Variants in ZNF677 observed in about 807,000 individuals in gnomAD.
The protein encoded by ZNF677 is hypothetical protein MGC48625.
ZNF677 carries 5 observed loss-of-function variants against 8.1 expected under a neutral mutation model. The ratio of observed to expected loss-of-function variants is 0.62; its 90% confidence interval spans 0.32 to 1.29. ZNF677 has a LOEUF of 1.29. Ranked by LOEUF, ZNF677 falls within the 50% of genes most tolerant of loss-of-function variation. ZNF677 has a pLI of 0.05. For missense variants in ZNF677, 685 were observed against 685.9 expected, an observed-to-expected ratio of 1.00 and a Z score of 0.01; for synonymous variants, 221 against 225.6, an observed-to-expected ratio of 0.98 and a Z score of 0.18.
intron 4 of ZNF677, chr19:53,242,979 T>C (rs1417461396): frequency 1.3e-5 from 2 of 152,220 alleles, no homozygotes; most frequent in Admixed American, 6.5e-5. Flanking sequence ...CACATTTGAA[T>C]AACAGTATGT....
intron 4 of ZNF677, chr19:53,242,343 G>C: frequency 2.5e-6 from 1 of 398,668 alleles, no homozygotes; most frequent in Non-Finnish European, 4.4e-6. Context: ...AGAAAAGGGA[G>C]AGAAATAAAA....
At chr19:53,240,509 G>A (rs2091032879) in intron 4 of ZNF677, 1 of 152,276 alleles carries the variant, frequency 6.6e-6, no homozygotes, top group Non-Finnish European at 1.5e-5. Flanking sequence ...GCCTCCCAAA[G>A]TGCTGGGATT....
chr19:53,241,201 T>A (rs1360602739), intron 4 of ZNF677: 3 of 151,718 alleles, frequency 2.0e-5, no homozygotes, highest in South Asian at 2.1e-4. Flanking sequence ...CAGAAAAAAA[T>A]ATATATAATA....
chr19:53,238,190 G>A lies in ZNF677; in HGVS notation c.537C>T (p.Ala179=), dbSNP rs144707444. The A allele has an allele frequency of 1.1e-3, 1,741 of 1,613,374 alleles. 6 individuals carry two copies. Among genetic ancestry groups the A allele is most frequent in the Middle Eastern group, 6.9e-3 (42 of 6,056 alleles). ...CAAAACACTTCACGTATTTGTTTCC[G>A]GCATACCTTATGTTATTTTTCAGTT... ...LLKLKNNIRY[A]GNKYVKCFEN... The change falls in exon 5 of 5, where the codon GCC becomes GCT. Residue 179 remains alanine (A), a synonymous_variant. Transcript: ENST00000598513.
chr19:53,244,057 A>G (rs1041061841), intron 3 of ZNF677, 160 bp from the exon 4 acceptor site: 10 of 667,810 alleles, frequency 1.5e-5, no homozygotes, highest in South Asian at 6.5e-5. Flanking sequence ...ATGAAATTAC[A>G]TAACATAAAA....
rs755349651 is a variant in ZNF677, at chr19:53,238,204, T to A, written c.523A>T (p.Asn175Tyr). The change falls in exon 5 of 5, where the codon AAC becomes TAC. Residue 175 changes from asparagine (N) to tyrosine (Y), a missense_variant. Transcript: ENST00000598513. ...TATTTGTTTCCGGCATACCTTATGT[T>A]ATTTTTCAGTTTTAACAAATTCCTT... The part of the protein sequence containing the change: ...FIRNLLKLKN[N>Y]IRYAGNKYVK... 6.2e-6 allele frequency: 10 copies of A among 1,613,974 alleles called. No homozygotes were observed. Among genetic ancestry groups the A allele is most frequent in the Non-Finnish European group, 8.5e-6 (10 of 1,179,946 alleles).
chr19:53,254,426 C>T (rs2091283210), intron 1 of ZNF677, among the ~76,000 whole-genome samples: 1 of 152,130 alleles, frequency 6.6e-6, no homozygotes, highest in South Asian at 2.1e-4. Context: ...TCTAATTTCG[C>T]GCATTTCTCC....
intron 4 of ZNF677, chr19:53,242,663 G>A: frequency 2.7e-6 from 1 of 367,262 alleles, no homozygotes. Context: ...TTTTGGGGGA[G>A]CCACTGTTTT....
In ZNF677 at chr19:53,238,017, C is replaced by A; in HGVS notation, c.710G>T (p.Cys237Phe). The change falls in exon 5 of 5, where the codon TGT (cysteine) becomes TTT (phenylalanine). Residue 237 changes from cysteine (C) to phenylalanine (F), a missense_variant. Physicochemically the swap from Cys to Phe is radical, Grantham distance 205 (BLOSUM62 -2). Coordinates refer to ENST00000598513, the MANE Select transcript of ZNF677 (RefSeq NM_182609.4). ...SPLPPCVKNI[C>F]NKYRKILKYP... ...TTTCAAAATCTTCCTATATTTATTACAAATGTTTTTGACACAAGGAGGAAG... is the reference window on the plus strand; with the variant it reads ...TTTCAAAATCTTCCTATATTTATTAAAAATGTTTTTGACACAAGGAGGAAG... 2 of 1,613,666 alleles carry A rather than the reference C, an allele frequency of 1.2e-6. No homozygotes were observed. Among genetic ancestry groups the A allele is most frequent in the African/African-American group, 2.7e-5 (2 of 75,014 alleles).
chr19:53,236,991 T>C lies in ZNF677; in HGVS notation c.1736A>G (p.Lys579Arg), dbSNP rs755664890. Residue 579 changes from lysine to arginine, a missense_variant, in exon 5 of 5, where the codon AAG (lysine) becomes AGG (arginine). By Grantham distance (26) the Lys-to-Arg change is conservative. Coordinates refer to ENST00000598513, the MANE Select transcript of ZNF677 (RefSeq NM_182609.4). Reference protein sequence around the residue: ...KHIKYNETKIKYSSCT With the variant: ...KHIKYNETKIRYSSCT ...CTGATGCTAGGTACAGCTTGAATAC[T>C]TAATTTTTGTCTCATTATATTTGAT... is the stretch of plus-strand genomic sequence containing the variant. The C allele has an allele frequency of 6.4e-7, 1 of 1,566,322 alleles. No individual in the cohort carries two copies. Among genetic ancestry groups the C allele is most frequent in the South Asian group, 1.2e-5 (1 of 80,488 alleles).
chr19:53,248,685 T>C (rs1329487392), intron 3 of ZNF677, among the ~76,000 whole-genome samples: 4 of 152,234 alleles, frequency 2.6e-5, no homozygotes, highest in Non-Finnish European at 4.4e-5. Context: ...TTAATCTTTT[T>C]GAGGGTCACT....
chr19:53,237,107 CT>C lies in ZNF677; in HGVS notation c.1619del (p.Lys540ArgfsTer73), dbSNP rs2090978917. 1 of 1,613,610 alleles carries C rather than the reference CT, an allele frequency of 6.2e-7. No individual in the cohort carries two copies. The highest frequency in any genetic ancestry group is 1.7e-5 in the Admixed American group (1 of 59,948). ...LTRHQKIHIE[K>X]KHCKHNIHGN... ...CATGTATATTATGTTTACAATGTTT[CT>C]TTTCAATGTGTATTTTCTGGTGTCT... On this transcript the variant is annotated frameshift_variant, in exon 5 of 5. Transcript: ENST00000598513. LOFTEE classifies it low-confidence loss of function (END_TRUNC).
chr19:53,243,813 T>C lies in ZNF677; in HGVS notation c.100A>G (p.Arg34Gly). Residue 34 changes from arginine to glycine, a missense_variant, in exon 4 of 5, where the codon AGG (arginine) becomes GGG (glycine). Physicochemically the swap from Arg to Gly is moderately radical, Grantham distance 125 (BLOSUM62 -2). Transcript: ENST00000598513. ...CLDPAQRALY[R>G]DVMLENYRNL... is the part of the protein sequence containing the mutation. ...CTGTAGTTCTCCAACATCACGTCCCTGTACAAGGCCCTCTGGGCAGGGTCC... is the reference window on the plus strand; with the variant it reads ...CTGTAGTTCTCCAACATCACGTCCCCGTACAAGGCCCTCTGGGCAGGGTCC... 3 of 1,614,210 alleles carry C rather than the reference T, an allele frequency of 1.9e-6. No individual in the cohort carries two copies. The highest frequency in any genetic ancestry group is 1.7e-6 in the Non-Finnish European group (2 of 1,180,040).
chr19:53,248,842 T>G (rs1478674611), intron 3 of ZNF677, among the ~76,000 whole-genome samples: 1 of 152,230 alleles, frequency 6.6e-6, no homozygotes, highest in Non-Finnish European at 1.5e-5. Flanking sequence ...ATGTTCTTTA[T>G]ATATTTGGGA....
At position 53,238,351 on chromosome 19, in the gene ZNF677, TG is replaced by T; in HGVS notation, c.375del (p.Asn125LysfsTer21). On this transcript the variant is annotated frameshift_variant, in exon 5 of 5. Coordinates refer to ENST00000598513, the MANE Select transcript of ZNF677 (RefSeq NM_182609.4). LOFTEE classifies it low-confidence loss of function (END_TRUNC). ...KNYKGMPLTC[N>X]KNLTHRKDQQ... ...TGATCTTTTCTGTGAGTGAGATTTT[TG>T]TTACAGGTCAAAGGCATTCCTTTGT... 6.2e-7 allele frequency: 1 copy of T among 1,613,096 alleles called. No homozygotes were observed. The highest frequency in any genetic ancestry group is 8.5e-7 in the Non-Finnish European group (1 of 1,179,624).
Position 53,238,060 on chromosome 19 carries a change from T to G in ZNF677, c.667A>C (p.Ser223Arg). ...GGAGGAAGTGGTGAAACTGAGGAAC[T>G]ATTGATAGACTTCTCAACTGGATTA... ...ECNPVEKSIN[S>R]SSVSPLPPCV... Residue 223 changes from serine to arginine, a missense_variant, in exon 5 of 5, where the codon AGT (serine) becomes CGT (arginine). Ser to Arg is a moderately radical substitution (Grantham distance 110). Coordinates refer to ENST00000598513, the MANE Select transcript of ZNF677 (RefSeq NM_182609.4). 1 of 1,614,106 alleles carries G rather than the reference T, an allele frequency of 6.2e-7. No individual in the cohort carries two copies. Among genetic ancestry groups the G allele is most frequent in the Non-Finnish European group, 8.5e-7 (1 of 1,179,990 alleles).
At chr19:53,239,915 A>G (rs2091021670) in intron 4 of ZNF677, 2 of 152,246 alleles carry the variant, frequency 1.3e-5, no homozygotes, top group Non-Finnish European at 2.9e-5. Context: ...TGCCATGTTC[A>G]CAGCATTAAG....
At chr19:53,243,713 G>GA in intron 4 of ZNF677, 31 bp downstream of exon 4, 1 of 1,613,744 alleles carries the variant, frequency 6.2e-7, no homozygotes, top group Non-Finnish European at 8.5e-7. Flanking sequence ...GACTCACAAG[G>GA]AAAAATGTAA....
intron 4 of ZNF677, chr19:53,241,043 G>A (rs2091041893): frequency 6.6e-6 from 1 of 151,950 alleles, no homozygotes; most frequent in Admixed American, 6.6e-5. Context: ...AAAGTTACAG[G>A]AAACAGAAGT....
Sources: gnomAD v4.1 joint callset for allele counts (sites outside exome capture counted in the v4.1 genomes callset) on GRCh38, gnomAD v4.1.1 for gene constraint, MANE v1.5 for transcripts, NCBI Gene and HGNC (gene_info 2026-07-23, HGNC 2026-07-21) for gene names.